SORCS1: variants seen among roughly 807,000 people sequenced by gnomAD.
SORCS1 encodes VPS10 domain-containing receptor SorCS1.
A neutral mutation model predicts 146.1 loss-of-function variants in SORCS1; 60 were observed. The ratio of observed to expected loss-of-function variants is 0.41; its 90% CI spans 0.33 to 0.51. SORCS1 has a LOEUF of 0.51. Ranked by LOEUF, SORCS1 falls within the 20% of genes least tolerant of loss-of-function variation. SORCS1 has a pLI of 0.21. For missense variants in SORCS1, 1,352 were observed against 1,487.6 expected, an observed-to-expected ratio of 0.91 and a Z score of 1.50; for synonymous variants, 637 against 584.0, an observed-to-expected ratio of 1.09 and a Z score of -1.31.
At chr10:107,151,950 A>G (rs919770787) in intron 1 of SORCS1, among the ~76,000 whole-genome samples, 1 of 152,138 alleles carries the variant, frequency 6.6e-6, no homozygotes, top group Non-Finnish European at 1.5e-5. Context: ...CATGTCAGAG[A>G]CCTTCACAGC....
At chr10:107,136,445 C>T (rs1197617884) in intron 1 of SORCS1, among the ~76,000 whole-genome samples, 1 of 152,080 alleles carries the variant, frequency 6.6e-6, no homozygotes, top group Non-Finnish European at 1.5e-5. Flanking sequence ...GCATAGCCAT[C>T]AAAGCTTGAA....
intron 22 of SORCS1, 98 bp downstream of exon 22, chr10:106,611,813 A>AGTTT (rs59929689): frequency 0.88 from 692,955 of 786,972 alleles, 306,866 homozygotes; most frequent in Middle Eastern, 0.93. Context: ...CTGCTGGGTT[A>AGTTT]GTTTGTTTGT....
upstream of SORCS1, among the ~76,000 whole-genome samples, chr10:107,167,593 T>A (rs996471973): frequency 6.6e-6 from 1 of 152,094 alleles, no homozygotes; most frequent in South Asian, 2.1e-4. Context: ...TCTCCAATAG[T>A]CATCTCCAAA....
upstream of SORCS1, among the ~76,000 whole-genome samples, chr10:107,167,944 A>C (rs771620934): frequency 3.3e-5 from 5 of 152,184 alleles, no homozygotes; most frequent in Non-Finnish European, 5.9e-5. Flanking sequence ...TCTGCCCTAC[A>C]AGGCAGCAAA....
rs116760897 is a variant in SORCS1, at chr10:107,124,588, T to G, written c.558+39381A>C. 4.9e-3 allele frequency among the ~76,000 whole-genome samples: 739 copies of G among 152,234 alleles called. 4 individuals are homozygous for G. Among genetic ancestry groups the G allele is most frequent in the African/African-American group, 0.016 (678 of 41,530 alleles). On this transcript the variant is annotated intron_variant, in intron 1 of 25. Coordinates refer to ENST00000263054, the MANE Select transcript of SORCS1 (RefSeq NM_052918.5). The stretch of plus-strand genomic sequence containing the variant: ...CATCAATTCTTCCCTGCAAACATTT[T>G]GCTGGGAACTGGTGGTCGACGTGAT...
intron 1 of SORCS1, among the ~76,000 whole-genome samples, chr10:107,087,015 G>T (rs550778673): frequency 2.0e-5 from 3 of 152,214 alleles, no homozygotes; most frequent in Non-Finnish European, 4.4e-5. Flanking sequence ...GCAACAGAGC[G>T]TGACTTCGTC....
At chr10:107,141,764 A>C (rs1429847038) in intron 1 of SORCS1, among the ~76,000 whole-genome samples, 1 of 152,188 alleles carries the variant, frequency 6.6e-6, no homozygotes, top group Non-Finnish European at 1.5e-5. Context: ...TGTTGCACTC[A>C]GGAGCTTCCC....
At chr10:106,757,064 G>A (rs1858702533) in intron 5 of SORCS1, among the ~76,000 whole-genome samples, 1 of 152,118 alleles carries the variant, frequency 6.6e-6, no homozygotes, top group African/African-American at 2.4e-5. Flanking sequence ...GTGTGCAGTA[G>A]GGTCTTGACC....
At chr10:107,161,832 T>C (rs1264177728) in intron 1 of SORCS1, among the ~76,000 whole-genome samples, 4 of 152,218 alleles carry the variant, frequency 2.6e-5, no homozygotes, top group Non-Finnish European at 4.4e-5. Context: ...TATCTGTATG[T>C]ATATACTTAA....
intron 1 of SORCS1, among the ~76,000 whole-genome samples, chr10:107,111,456 C>A (rs1965694726): frequency 6.6e-6 from 1 of 152,118 alleles, no homozygotes; most frequent in African/African-American, 2.4e-5. Flanking sequence ...TAACAGCAGA[C>A]TCCACTATGC....
chr10:107,068,912 C>G (rs1230737212), intron 1 of SORCS1, among the ~76,000 whole-genome samples: 1 of 145,874 alleles, frequency 6.9e-6, no homozygotes, highest in Non-Finnish European at 1.5e-5. Flanking sequence ...TCTTTTTTTT[C>G]TTGGGGTGGA....
intron 1 of SORCS1, among the ~76,000 whole-genome samples, chr10:107,048,296 G>C (rs1458572599): frequency 6.6e-6 from 1 of 152,146 alleles, no homozygotes; most frequent in Non-Finnish European, 1.5e-5. Flanking sequence ...ACATATAAGT[G>C]GTGCTCAGTA....
intron 2 of SORCS1, among the ~76,000 whole-genome samples, chr10:106,934,343 G>A (rs183137098): frequency 1.6e-3 from 243 of 151,890 alleles, no homozygotes; most frequent in African/African-American, 5.5e-3. Flanking sequence ...CTGCGAGCTC[G>A]GTCTCCGGGG....
intron 1 of SORCS1, among the ~76,000 whole-genome samples, chr10:107,033,094 G>T (rs1356465561): frequency 6.6e-6 from 1 of 152,192 alleles, no homozygotes; most frequent in Non-Finnish European, 1.5e-5. Flanking sequence ...CAGGAGGGCT[G>T]GTTGGGGAGG....
chr10:106,835,008 C>A (rs1948723230), intron 2 of SORCS1, among the ~76,000 whole-genome samples: 2 of 152,178 alleles, frequency 1.3e-5, no homozygotes, highest in Non-Finnish European at 2.9e-5. Flanking sequence ...ACAAATATAT[C>A]TTAGTAGCTT....
intron 2 of SORCS1, among the ~76,000 whole-genome samples, chr10:106,890,465 G>T (rs1231627698): frequency 6.7e-6 from 1 of 150,098 alleles, no homozygotes; most frequent in Non-Finnish European, 1.5e-5. Context: ...TTAAAAAGGA[G>T]AAAAAAAAAC....
At chr10:107,144,992 T>C (rs1968188109) in intron 1 of SORCS1, among the ~76,000 whole-genome samples, 1 of 152,216 alleles carries the variant, frequency 6.6e-6, no homozygotes, top group South Asian at 2.1e-4. Context: ...AATTAAGCCA[T>C]CAGGATGCAT....
At chr10:107,032,574 G>A (rs943420436) in intron 1 of SORCS1, among the ~76,000 whole-genome samples, 3 of 152,282 alleles carry the variant, frequency 2.0e-5, no homozygotes, top group Middle Eastern at 6.8e-3. Context: ...AACCAGCAAT[G>A]AGTTAGAAGA....
chr10:107,142,519 A>G (rs1023731550), intron 1 of SORCS1, among the ~76,000 whole-genome samples: 2 of 152,250 alleles, frequency 1.3e-5, no homozygotes, highest in African/African-American at 4.8e-5. Flanking sequence ...CTTAGTATTC[A>G]CTTTGAGTAT....
Sources: gnomAD v4.1 joint callset for allele counts (sites outside exome capture counted in the v4.1 genomes callset) on GRCh38, gnomAD v4.1.1 for gene constraint, MANE v1.5 for transcripts, NCBI Gene and HGNC (gene_info 2026-07-23, HGNC 2026-07-21) for gene names.